KDM2B: variants seen among roughly 807,000 people sequenced by gnomAD.
KDM2B encodes the protein lysine-specific demethylase 2B.
Under a neutral mutation model 150.0 loss-of-function variants are expected in KDM2B, and 26 were observed. The ratio of observed to expected loss-of-function variants is 0.17; its 90% CI spans 0.13 to 0.24. The LOEUF (loss-of-function observed/expected upper bound fraction) is 0.24, where lower values mean the gene tolerates loss of function less well. Ranked by LOEUF, KDM2B falls within the 10% of genes least tolerant of loss-of-function variation. The pLI, the probability that KDM2B is intolerant of heterozygous loss-of-function variation, is 1.00. For synonymous variants in KDM2B, 734 were observed against 729.5 expected, an observed-to-expected ratio of 1.01 and a Z score of -0.10; for missense variants, 1,265 against 1,816.9, an observed-to-expected ratio of 0.70 and a Z score of 5.52.
At position 121,442,981 on chromosome 12, in the gene KDM2B, G is replaced by A. The variant is rs1875430280; in HGVS notation, c.2604+11C>T. 6.2e-7 allele frequency: 1 copy of A among 1,613,106 alleles called. No individual in the cohort carries two copies. Among genetic ancestry groups the A allele is most frequent in the Non-Finnish European group, 8.5e-7 (1 of 1,179,644 alleles). On this transcript the variant is annotated intron_variant, in intron 18 of 22. Transcript: ENST00000377071. This position sits in a 1 kb window ranked among gnomAD's most constrained non-coding sequence, Gnocchi z 7.7. ...CAGGCCTGGGGCACAGGAGGGAGGG[G>A]AAGATGGTACCTTTTTCCTGAAAAG...
chr12:121,466,680 T>A (rs1270597496), intron 12 of KDM2B, among the ~76,000 whole-genome samples: 1 of 149,882 alleles, frequency 6.7e-6, no homozygotes, highest in Non-Finnish European at 1.5e-5. Flanking sequence ...CCGGGAGCGC[T>A]CCAGCCCCGA....
At position 121,520,849 on chromosome 12, in the gene KDM2B, T is replaced by C; in HGVS notation, c.1047+136A>G. On this transcript the variant is annotated intron_variant, in intron 9 of 22. Transcript: ENST00000377071. The surrounding 1 kb of genome is among the most constrained non-coding windows in gnomAD (Gnocchi z 4.5). ...CCCTCCCCCGCCACAGAACCAGGAC[T>C]GAAGCCAGCTTGAGAGAGGAATCGG... 5.4e-6 allele frequency: 2 copies of C among 371,816 alleles called. No homozygotes were observed. Among genetic ancestry groups the C allele is most frequent in the South Asian group, 2.1e-5 (1 of 47,840 alleles). 23.0% of individuals were successfully genotyped at this position (371,816 alleles called of 1,614,324 possible). A position where few individuals can be genotyped will look rare whatever the true frequency, so the allele number is the denominator to read the frequency against.
At chr12:121,436,599 TGAG>T (rs1402438687) in intron 22 of KDM2B, among the ~76,000 whole-genome samples, 2 of 148,750 alleles carry the variant, frequency 1.3e-5, no homozygotes, top group African/African-American at 2.5e-5. Context: ...GACATGGAAA[TGAG>T]GAGGGAAGAC....
At chr12:121,466,405 C>CGTGA (rs1555294774) in intron 12 of KDM2B, among the ~76,000 whole-genome samples, 5 of 152,192 alleles carry the variant, frequency 3.3e-5, no homozygotes, top group African/African-American at 1.2e-4. Context: ...CGTAAACACA[C>CGTGA]CCAGGGCTTT....
At chr12:121,463,452 C>T (rs61953461) in intron 12 of KDM2B, among the ~76,000 whole-genome samples, 48,332 of 152,060 alleles carry the variant, frequency 0.32, 9,214 homozygotes, top group East Asian at 0.41. Flanking sequence ...CACATGTATC[C>T]GAGAACTTAA....
chr12:121,566,595 C>T (rs539031633), intron 4 of KDM2B, among the ~76,000 whole-genome samples: 9 of 150,998 alleles, frequency 6.0e-5, no homozygotes, highest in Admixed American at 2.6e-4. Flanking sequence ...CACTCCAGCC[C>T]GGGCGACAAG....
chr12:121,430,106 A>C lies in KDM2B; in HGVS notation c.*182T>G. On this transcript the variant is annotated 3_prime_UTR_variant, in exon 23 of 23. Transcript: ENST00000377071. This position sits in a 1 kb window ranked among gnomAD's most constrained non-coding sequence, Gnocchi z 4.4. ...GTTACGATTCAGAAAGACCAAAGGA[A>C]AGTGTCGGCTCACTCATCCCCCAAA... The C allele has an allele frequency of 6.2e-7, 1 of 1,607,320 alleles. No individual in the cohort carries two copies. Among genetic ancestry groups the C allele is most frequent in the Non-Finnish European group, 8.5e-7 (1 of 1,173,720 alleles).
In KDM2B at chr12:121,443,689, G is replaced by C. The variant is rs1875602008; in HGVS notation, c.2556C>G (p.Phe852Leu). Reference sequence around the variant, plus strand: ...TGCGTCGTGGGAGCACCTGCTGCTGGAAGTAAGTGAGACTGGATCTCCACC... The same window carrying C: ...TGCGTCGTGGGAGCACCTGCTGCTGCAAGTAAGTGAGACTGGATCTCCACC... ...SPWWRSSLTYFQQQLKPGKED... is the reference protein window; with the variant it reads ...SPWWRSSLTYLQQQLKPGKED... Residue 852 changes from phenylalanine (F) to leucine (L), a missense_variant, in exon 17 of 23, where the codon TTC becomes TTG. Coordinates refer to ENST00000377071, the MANE Select transcript of KDM2B (RefSeq NM_032590.5). The C allele has an allele frequency of 1.2e-6, 2 of 1,608,726 alleles. No homozygotes were observed. The highest frequency in any genetic ancestry group is 1.7e-6 in the Non-Finnish European group (2 of 1,177,304).
rs200140651 is a variant in KDM2B, at chr12:121,574,627, G to A, written c.351-34C>T. ...AGAGGAGCACAGACCTTTGGTGAGA[G>A]GCCAGAAACAACAGAGCTAGACTAC... On this transcript the variant is annotated intron_variant, in intron 3 of 22. Coordinates refer to ENST00000377071, the MANE Select transcript of KDM2B (RefSeq NM_032590.5). 152 of 1,608,126 alleles carry A rather than the reference G, an allele frequency of 9.5e-5. No individual in the cohort carries two copies. The African/African-American group carries it at 1.9e-3, about 20-fold the overall frequency.
At chr12:121,511,474 C>T (rs12423334) in intron 10 of KDM2B, among the ~76,000 whole-genome samples, 45,248 of 151,696 alleles carry the variant, frequency 0.3, 8,373 homozygotes, top group Middle Eastern at 0.46. Flanking sequence ...TTAGTAGAGA[C>T]GAGGTGTCAC....
chr12:121,456,044 A>G (rs534563845), intron 12 of KDM2B, among the ~76,000 whole-genome samples: 252 of 152,376 alleles, frequency 1.7e-3, no homozygotes, highest in Non-Finnish European at 2.5e-3. Flanking sequence ...CACCGTGGCC[A>G]TCACTTTACT....
chr12:121,554,377 T>TA (rs1555312333), intron 4 of KDM2B, among the ~76,000 whole-genome samples: 1 of 152,094 alleles, frequency 6.6e-6, no homozygotes, highest in Non-Finnish European at 1.5e-5. Context: ...ATACCTTGTA[T>TA]ATATCATGAT....
intron 12 of KDM2B, among the ~76,000 whole-genome samples, chr12:121,479,046 A>T (rs1881747622): frequency 6.6e-6 from 1 of 152,092 alleles, no homozygotes; most frequent in African/African-American, 2.4e-5. Context: ...TCAGGGGTAA[A>T]GGGAGTTCTC....
intron 11 of KDM2B, among the ~76,000 whole-genome samples, chr12:121,501,405 A>G (rs939178830): frequency 6.6e-6 from 1 of 152,124 alleles, no homozygotes; most frequent in South Asian, 2.1e-4. Context: ...TAAAATAAAT[A>G]CAAAGACCAA....
intron 11 of KDM2B, among the ~76,000 whole-genome samples, 179 bp from the exon 12 acceptor site, chr12:121,494,844 C>T (rs558369093): frequency 5.9e-5 from 9 of 152,236 alleles, no homozygotes; most frequent in South Asian, 4.1e-4. Context: ...CTGGGGCCCA[C>T]GAAACACACA....
At chr12:121,545,863 C>T (rs1179821140) in intron 6 of KDM2B, among the ~76,000 whole-genome samples, 1 of 151,860 alleles carries the variant, frequency 6.6e-6, no homozygotes, top group East Asian at 1.9e-4. Flanking sequence ...TGTTCCAGCC[C>T]CACTGGCCTT....
At chr12:121,439,353 T>C (rs1555287559) in intron 22 of KDM2B, among the ~76,000 whole-genome samples, 1 of 151,104 alleles carries the variant, frequency 6.6e-6, no homozygotes, top group African/African-American at 2.4e-5. Context: ...TATTTTGGGG[T>C]AGCAATTACT....
At chr12:121,571,499 G>C (rs192254648) in intron 4 of KDM2B, among the ~76,000 whole-genome samples, 1 of 151,966 alleles carries the variant, frequency 6.6e-6, no homozygotes, top group Non-Finnish European at 1.5e-5. Context: ...ATGTTGGCCA[G>C]GCTGGTCTTG....
At chr12:121,522,863 G>A (rs1156315682) in intron 8 of KDM2B, among the ~76,000 whole-genome samples, 3 of 152,188 alleles carry the variant, frequency 2.0e-5, no homozygotes, top group East Asian at 3.8e-4. Context: ...TTATGGATGA[G>A]GAAAGTGAGG....
Sources: gnomAD v4.1 joint callset for allele counts (sites outside exome capture counted in the v4.1 genomes callset) on GRCh38, gnomAD v4.1.1 for gene constraint, Gnocchi (gnomAD v3.1) non-coding constraint, MANE v1.5 for transcripts, NCBI Gene and HGNC (gene_info 2026-07-23, HGNC 2026-07-21) for gene names.